MYO6: variants seen among roughly 807,000 people sequenced by gnomAD.
MYO6 encodes the protein myosin VI, also known as unconventional myosin-VI.
A neutral mutation model predicts 178.7 loss-of-function variants in MYO6; 74 were observed. That is an observed-to-expected ratio of 0.41 (90% CI 0.34 to 0.50). MYO6 has a LOEUF of 0.50. Ranked by LOEUF, MYO6 falls within the 20% of genes least tolerant of loss-of-function variation. MYO6 has a pLI of 0.09. For synonymous variants in MYO6, 477 were observed against 504.6 expected (o/e 0.95, Z 0.73); for missense variants, 1,330 against 1,547.4 (o/e 0.86, Z 2.36).
intron 20 of MYO6, among the ~76,000 whole-genome samples, chr6:75,877,386 C>T (rs1777647605): frequency 6.6e-6 from 1 of 152,034 alleles, no homozygotes. Context: ...CCTGCCTCAG[C>T]CTCCCCAGTA....
At chr6:75,901,771 A>T (rs144100676) in intron 30 of MYO6, among the ~76,000 whole-genome samples, 51,361 of 151,938 alleles carry the variant, frequency 0.34, 9,578 homozygotes, top group Admixed American at 0.48. Flanking sequence ...GTTGAATAGG[A>T]GTGGTGAGAG....
intron 1 of MYO6, among the ~76,000 whole-genome samples, chr6:75,813,508 G>A (rs1040676817): frequency 2.0e-5 from 3 of 152,132 alleles, no homozygotes; most frequent in South Asian, 2.1e-4. Context: ...CCAGGAGCCC[G>A]CTTGGTGCTC....
chr6:75,899,702 C>CTTTT (rs57012582), intron 30 of MYO6, among the ~76,000 whole-genome samples: 1 of 141,334 alleles, frequency 7.1e-6, no homozygotes, highest in Non-Finnish European at 1.5e-5. Flanking sequence ...ACACATTATT[C>CTTTT]TTTTTTTTTT....
intron 9 of MYO6, among the ~76,000 whole-genome samples, chr6:75,842,200 ATG>A (rs1491151799): frequency 2.7e-5 from 4 of 146,222 alleles, no homozygotes; most frequent in African/African-American, 1.0e-4. Context: ...ACACACACAC[ATG>A]CACACACACA....
chr6:75,846,771 A>G (rs1774774431), intron 10 of MYO6, among the ~76,000 whole-genome samples: 1 of 152,120 alleles, frequency 6.6e-6, no homozygotes, highest in African/African-American at 2.4e-5. Context: ...TGCCATGGAA[A>G]AAAATGGAGT....
intron 29 of MYO6, 152 bp downstream of exon 29, chr6:75,895,412 C>CCTG: frequency 1.5e-6 from 1 of 666,358 alleles, no homozygotes. Flanking sequence ...AAGTTTAATG[C>CCTG]TCTTGTATGG....
Position 75,911,882 on chromosome 6 carries a change from A to G in MYO6, c.3439+184A>G, listed in dbSNP as rs1780781003. On this transcript the variant is annotated intron_variant, in intron 33 of 34. Transcript: ENST00000369977. ...ATGATGCTTTATTTGGATCACTCCA[A>G]TATGTATATGTATTACAAAAAATCT... Among the ~76,000 whole-genome samples, 7 of 152,156 alleles carry G rather than the reference A, an allele frequency of 4.6e-5. 1 individual carries two copies. The South Asian group carries it at 1.5e-3, about 32-fold the overall frequency.
chr6:75,868,946 G>T (rs183140928), intron 18 of MYO6, among the ~76,000 whole-genome samples: 27 of 152,060 alleles, frequency 1.8e-4, no homozygotes, highest in Non-Finnish European at 3.7e-4. Flanking sequence ...AGCATGAGTT[G>T]CCTGAGGCTT....
At chr6:75,851,769 C>A (rs866940860) in intron 11 of MYO6, among the ~76,000 whole-genome samples, 2 of 152,016 alleles carry the variant, frequency 1.3e-5, no homozygotes, top group African/African-American at 4.8e-5. Context: ...TGAGCCCTGG[C>A]GGTCGAGGCT....
chr6:75,893,822 A>G (rs1374795959), intron 28 of MYO6, among the ~76,000 whole-genome samples: 1 of 152,232 alleles, frequency 6.6e-6, no homozygotes, highest in Non-Finnish European at 1.5e-5. Context: ...TTTGAGTCCA[A>G]TATTTGGGCT....
At chr6:75,838,091 C>A (rs964305911) in intron 7 of MYO6, among the ~76,000 whole-genome samples, 42 of 148,686 alleles carry the variant, frequency 2.8e-4, no homozygotes, top group Middle Eastern at 3.5e-3. Context: ...CTCACTCTGT[C>A]GCCGAGTCTG....
At chr6:75,834,052 G>A (rs529428245) in intron 6 of MYO6, among the ~76,000 whole-genome samples, 47 of 152,208 alleles carry the variant, frequency 3.1e-4, no homozygotes, top group African/African-American at 9.6e-4. Flanking sequence ...TCACATTTAC[G>A]TTCTGTCTAT....
chr6:75,834,670 G>A (rs1463951585), intron 6 of MYO6, among the ~76,000 whole-genome samples: 1 of 152,192 alleles, frequency 6.6e-6, no homozygotes, highest in Non-Finnish European at 1.5e-5. Flanking sequence ...ATACTCACCA[G>A]TGTTACTCCC....
intron 3 of MYO6, among the ~76,000 whole-genome samples, chr6:75,825,178 T>C (rs536652335): frequency 6.6e-6 from 1 of 152,348 alleles, no homozygotes; most frequent in South Asian, 2.1e-4. Context: ...AGTCAGTAAT[T>C]AAAAGGAAAA....
Position 75,855,124 on chromosome 6 carries a change from A to T in MYO6, c.1079-15A>T. On this transcript the variant is annotated splice_polypyrimidine_tract_variant and intron_variant, in intron 11 of 34. Transcript: ENST00000369977. The stretch of plus-strand genomic sequence containing the variant: ...ATAATACTTATTAATTTCAATGAAA[A>T]TATATTTCTATTAGGTGGTTGTAAT... 1 of 1,577,504 alleles carries T rather than the reference A, an allele frequency of 6.3e-7. No individual in the cohort carries two copies. Among genetic ancestry groups the T allele is most frequent in the Non-Finnish European group, 8.7e-7 (1 of 1,152,010 alleles).
intron 1 of MYO6, among the ~76,000 whole-genome samples, chr6:75,806,783 A>T (rs1183631477): frequency 6.6e-6 from 1 of 152,236 alleles, no homozygotes; most frequent in African/African-American, 2.4e-5. Flanking sequence ...ACTTTTAGTT[A>T]ATCTAATGTC....
Position 75,890,134 on chromosome 6 carries a change from A to C in MYO6, c.2736A>C (p.Ala912=), listed in dbSNP as rs1778785984. Reference sequence around the variant, plus strand: ...AAAGCTCAGAGGAACTCCTCAGTGCATTACAGAAAAAAAAACAGCAGGAAG... The same window carrying C: ...AAAGCTCAGAGGAACTCCTCAGTGCCTTACAGAAAAAAAAACAGCAGGAAG... ...LVKSSEELLS[A]LQKKKQQEEE... Residue 912 remains alanine (A), a synonymous_variant, in exon 26 of 35, where the codon GCA becomes GCC. Coordinates refer to ENST00000369977, the MANE Select transcript of MYO6 (RefSeq NM_004999.4). The C allele has an allele frequency of 6.2e-7, 1 of 1,613,842 alleles. No homozygotes were observed. Among genetic ancestry groups the C allele is most frequent in the Non-Finnish European group, 8.5e-7 (1 of 1,179,912 alleles).
In MYO6 at chr6:75,796,527, C is replaced by T. The variant is rs1452205140; in HGVS notation, c.-47-20974C>T. ...CTGAGGTTTAGGGTATAGATGATTT[C>T]ATCACTCAGGTGGTGAGGACAGTAC... On this transcript the variant is annotated intron_variant, in intron 1 of 34. Coordinates refer to ENST00000369977, the MANE Select transcript of MYO6 (RefSeq NM_004999.4). 2.0e-5 allele frequency among the ~76,000 whole-genome samples: 3 copies of T among 152,134 alleles called. No homozygotes were observed. The East Asian group carries it at 5.8e-4, about 29-fold the overall frequency.
At chr6:75,793,590 A>AGGCTGT (rs1768473297) in intron 1 of MYO6, among the ~76,000 whole-genome samples, 2 of 151,932 alleles carry the variant, frequency 1.3e-5, no homozygotes, top group Non-Finnish European at 2.9e-5. Context: ...GGCGACAGAC[A>AGGCTGT]CTTTCTCAAA....
Sources: allele counts gnomAD v4.1 joint callset (sites outside exome capture counted in the v4.1 genomes callset), GRCh38; gene constraint gnomAD v4.1.1; transcripts MANE v1.5; gene names NCBI Gene and HGNC (gene_info 2026-07-23, HGNC 2026-07-21).